Variants in TPRA1 observed in about 807,000 individuals in gnomAD.
TPRA1 encodes the protein transmembrane protein adipocyte associated 1, also known as transmembrane protein adipocyte-associated 1.
Under a neutral mutation model 40.1 loss-of-function variants are expected in TPRA1, and 28 were observed. The observed-to-expected ratio is 0.70, with a 90% CI of 0.52 to 0.96. TPRA1 has a LOEUF of 0.96. Ranked by LOEUF, TPRA1 falls within the 40% of genes least tolerant of loss-of-function variation. The pLI, the probability that TPRA1 is intolerant of heterozygous loss-of-function variation, is 0.00. For missense variants in TPRA1, 441 were observed against 482.6 expected (o/e 0.91, Z 0.81); for synonymous variants, 219 against 209.7 (o/e 1.04, Z -0.38).
At chr3:127,595,021 C>T (rs982043521), upstream of TPRA1, 3 of 152,342 alleles carry the variant, frequency 2.0e-5, no homozygotes, top group Admixed American at 2.0e-4. Flanking sequence ...CTCCCCAAGC[C>T]TGTCCCAGGC....
intron 10 of TPRA1, chr3:127,574,904 G>GT (rs1246465800): frequency 1.2e-5 from 6 of 501,300 alleles, no homozygotes; most frequent in Non-Finnish European, 2.2e-5. Flanking sequence ...ATGCCCGTGT[G>GT]TATCCGTATG....
At position 127,573,260 on chromosome 3, in the gene TPRA1, G is replaced by A; in HGVS notation, c.*261C>T. The A allele has an allele frequency of 2.4e-6, 1 of 416,734 alleles. No individual in the cohort carries two copies. The highest frequency in any genetic ancestry group is 4.3e-6 in the Non-Finnish European group (1 of 234,506). The allele number at this position is 416,734 out of a possible 1,614,324, so 25.8% of individuals were successfully genotyped here. A position where few individuals can be genotyped will look rare whatever the true frequency, so the allele number is the denominator to read the frequency against. Reference sequence around the variant, plus strand: ...GCCCTCAGCCAACCTTGCCAAGCATGGCCCTGGAAGGAAAGCCTGGGCCAT... The same window carrying A: ...GCCCTCAGCCAACCTTGCCAAGCATAGCCCTGGAAGGAAAGCCTGGGCCAT... On this transcript the variant is annotated 3_prime_UTR_variant, in exon 11 of 11. Transcript: ENST00000355552.
intron 1 of TPRA1, among the ~76,000 whole-genome samples, chr3:127,584,225 A>G (rs761305318): frequency 3.2e-4 from 48 of 151,332 alleles, no homozygotes; most frequent in Non-Finnish European, 6.3e-4. Flanking sequence ...GGATCACTTG[A>G]GCCCAGGAGT....
At chr3:127,585,923 T>G (rs1372623829) in intron 1 of TPRA1, among the ~76,000 whole-genome samples, 4 of 152,178 alleles carry the variant, frequency 2.6e-5, no homozygotes, top group African/African-American at 9.7e-5. Flanking sequence ...TGGAGGACTG[T>G]GGATTTTTTT....
chr3:127,593,291 C>T (rs554574975), upstream of TPRA1, among the ~76,000 whole-genome samples: 4 of 152,282 alleles, frequency 2.6e-5, no homozygotes, highest in South Asian at 2.1e-4. Context: ...GGGGTGGCCA[C>T]GGCTGACAGT....
chr3:127,580,891 G>C (rs1224927371), intron 1 of TPRA1, among the ~76,000 whole-genome samples: 1 of 152,250 alleles, frequency 6.6e-6, no homozygotes, highest in East Asian at 1.9e-4. Flanking sequence ...AGAGGGGCAA[G>C]GCAAGTGTGT....
In TPRA1 at chr3:127,572,913, C is replaced by T. The variant is rs1188838509; in HGVS notation, c.*608G>A. ...GGCAGCGGCAGCTGGGATCCTGTTT[C>T]TCTTCACCTCCCCAGCAGCCAGCCC... On this transcript the variant is annotated 3_prime_UTR_variant, in exon 11 of 11. Coordinates refer to ENST00000355552, the MANE Select transcript of TPRA1 (RefSeq NM_001136053.4). Among the ~76,000 whole-genome samples, 1 of 152,172 alleles carries T rather than the reference C, an allele frequency of 6.6e-6. No homozygotes were observed. The highest frequency in any genetic ancestry group is 1.9e-4 in the East Asian group (1 of 5,188).
rs1019815702 is a variant in TPRA1, at chr3:127,572,326, T to C, written c.*1195A>G. Among the ~76,000 whole-genome samples the C allele has an allele frequency of 6.6e-6, 1 of 152,236 alleles. No individual in the cohort carries two copies. Among genetic ancestry groups the C allele is most frequent in the Admixed American group, 6.5e-5 (1 of 15,288 alleles). On this transcript the variant is annotated 3_prime_UTR_variant, in exon 11 of 11. Transcript: ENST00000355552. ...CCTCCCCAGGCTCTGAAGCATGCAG[T>C]TGGCTGTGTCCTGGATGGGCTCCTC...
upstream of TPRA1, among the ~76,000 whole-genome samples, chr3:127,591,533 G>A (rs2074169935): frequency 6.6e-6 from 1 of 152,142 alleles, no homozygotes; most frequent in African/African-American, 2.4e-5. Context: ...CAAGCCATGC[G>A]GGTCTCTGTT....
At chr3:127,575,091 A>T in intron 10 of TPRA1, 94 bp downstream of exon 10, 7 of 1,402,174 alleles carry the variant, frequency 5.0e-6, no homozygotes, top group Non-Finnish European at 6.0e-6. Context: ...CTGTATGCAT[A>T]CACAGCCTCT....
upstream of TPRA1, among the ~76,000 whole-genome samples, chr3:127,592,377 T>TTG (rs2074191279): frequency 4.7e-5 from 6 of 128,764 alleles, no homozygotes; most frequent in African/African-American, 5.6e-5. Context: ...GTTTTTTTTT[T>TTG]TTTTTTTTTT....
intron 1 of TPRA1, among the ~76,000 whole-genome samples, chr3:127,585,925 G>C (rs1451636233): frequency 6.6e-6 from 1 of 152,170 alleles, no homozygotes; most frequent in African/African-American, 2.4e-5. Context: ...GAGGACTGTG[G>C]ATTTTTTTGT....
At chr3:127,583,132 C>A (rs2073883905) in intron 1 of TPRA1, among the ~76,000 whole-genome samples, 2 of 121,652 alleles carry the variant, frequency 1.6e-5, no homozygotes, top group African/African-American at 3.3e-5. Flanking sequence ...GGCAACACAG[C>A]AAGACTCCGT....
chr3:127,588,669 C>T (rs954906208), intron 1 of TPRA1, among the ~76,000 whole-genome samples: 2 of 152,188 alleles, frequency 1.3e-5, no homozygotes, highest in Non-Finnish European at 2.9e-5. Flanking sequence ...GATCCACCCA[C>T]TTCAGCCTCC....
chr3:127,573,621 G>A lies in TPRA1; in HGVS notation c.1022C>T (p.Ala341Val). ...ASYSSTQFDS[A>V]GGVAYLDDIA... The stretch of plus-strand genomic sequence containing the variant: ...GTCATCCAGGTAGGCCACCCCGCCG[G>A]CAGAGTCGAACTGCGTGCTCGAGTA... Residue 341 changes from alanine (A) to valine (V), a missense_variant, in exon 11 of 11, where the codon GCC becomes GTC. Physicochemically the swap from Ala to Val is moderately conservative, Grantham distance 64. Coordinates refer to ENST00000355552, the MANE Select transcript of TPRA1 (RefSeq NM_001136053.4). 1 of 1,613,304 alleles carries A rather than the reference G, an allele frequency of 6.2e-7. No homozygotes were observed. The highest frequency in any genetic ancestry group is 1.3e-5 in the African/African-American group (1 of 75,064).
chr3:127,575,471 C>T lies in TPRA1; in HGVS notation c.705G>A (p.Leu235=). 1 of 1,599,974 alleles carries T rather than the reference C, an allele frequency of 6.3e-7. No individual in the cohort carries two copies. Among genetic ancestry groups the T allele is most frequent in the Non-Finnish European group, 8.5e-7 (1 of 1,173,676 alleles). The change falls in exon 9 of 11, where the codon CTG becomes CTA. Residue 235 remains leucine, a synonymous_variant. Transcript: ENST00000355552. ...RRSFYVYAGI[L]ALLNLLQGLG... is the part of the protein sequence containing the mutation. Reference sequence around the variant, plus strand: ...GCCCCTGCAGTAGGTTGAGCAGTGCCAGGATGCCCGCATACACGTAGAAGC... The same window carrying T: ...GCCCCTGCAGTAGGTTGAGCAGTGCTAGGATGCCCGCATACACGTAGAAGC...
chr3:127,585,527 G>A (rs1206416372), intron 1 of TPRA1, among the ~76,000 whole-genome samples: 1 of 152,244 alleles, frequency 6.6e-6, no homozygotes, highest in African/African-American at 2.4e-5. Flanking sequence ...GTCCATGCAT[G>A]AGAGGACAGA....
chr3:127,573,510 G>C lies in TPRA1; in HGVS notation c.*11C>G, dbSNP rs775219631. 8 of 1,606,824 alleles carry C rather than the reference G, an allele frequency of 5.0e-6. No individual in the cohort carries two copies. The highest frequency in any genetic ancestry group is 6.8e-6 in the Non-Finnish European group (8 of 1,176,606). On this transcript the variant is annotated 3_prime_UTR_variant, in exon 11 of 11. Transcript: ENST00000355552. ...CTCTGGCCTGTCCTCCACAGGCCCT[G>C]GCAGCTGCCCTCAGGCATTGATGGC...
rs189322878 is a variant in TPRA1 at position 127,587,682 on chromosome 3, T to C, written c.-18+2728A>G. On this transcript the variant is annotated intron_variant, in intron 1 of 10. Transcript: ENST00000355552. ...AAGGTGGTTGCTGCTTTTCTTTTTT[T>C]TTTTTTTTTTTTGAGACAGAGTCTT... 4.0e-3 allele frequency among the ~76,000 whole-genome samples: 598 copies of C among 150,934 alleles called. 3 individuals carry two copies. Among genetic ancestry groups the C allele is most frequent in the Non-Finnish European group, 6.1e-3 (415 of 67,606 alleles).
Sources: gnomAD v4.1 joint callset for allele counts (sites outside exome capture counted in the v4.1 genomes callset) on GRCh38, gnomAD v4.1.1 for gene constraint, MANE v1.5 for transcripts, NCBI Gene and HGNC (gene_info 2026-07-23, HGNC 2026-07-21) for gene names.